Variants in DOCK3 observed in about 807,000 individuals in gnomAD.
The protein encoded by DOCK3 is dedicator of cytokinesis protein 3.
A neutral mutation model predicts 265.6 loss-of-function variants in DOCK3; 60 were observed. The ratio of observed to expected loss-of-function variants is 0.23; its 90% confidence interval spans 0.18 to 0.28. DOCK3 has a LOEUF of 0.28. DOCK3 is among the 10% of genes least tolerant of loss of function. The pLI is 1.00. For missense variants in DOCK3, 1,981 were observed against 2,594.3 expected, an observed-to-expected ratio of 0.76 and a Z score of 5.14; for synonymous variants, 881 against 938.0, an observed-to-expected ratio of 0.94 and a Z score of 1.11.
rs144712756 is a variant in DOCK3, at chr3:50,872,341, T to C, written c.163-17685T>C. Among the ~76,000 whole-genome samples the C allele has an allele frequency of 7.7e-3, 1,179 of 152,370 alleles. 12 individuals carry two copies. The highest frequency in any genetic ancestry group is 0.027 in the African/African-American group (1,116 of 41,592). On this transcript the variant is annotated intron_variant, in intron 3 of 52. Transcript: ENST00000266037. Reference sequence around the variant, plus strand: ...GGACAATATCTGGAAGAATTCTCTGTATTACCAGACAGAGACTCTTGTTCT... The same window carrying C: ...GGACAATATCTGGAAGAATTCTCTGCATTACCAGACAGAGACTCTTGTTCT...
intron 23 of DOCK3, among the ~76,000 whole-genome samples, chr3:51,264,301 G>A (rs544225723): frequency 6.6e-6 from 1 of 152,134 alleles, no homozygotes; most frequent in East Asian, 1.9e-4. Flanking sequence ...ACCTGCTCCT[G>A]AATGACTACT....
intron 2 of DOCK3, among the ~76,000 whole-genome samples, chr3:50,818,073 C>A (rs2044193650): frequency 1.3e-5 from 2 of 152,218 alleles, no homozygotes; most frequent in South Asian, 4.1e-4. Flanking sequence ...ATCCCTGATA[C>A]TGAGCAAAAC....
chr3:51,092,324 G>T (rs908902569), intron 9 of DOCK3, among the ~76,000 whole-genome samples: 3 of 152,208 alleles, frequency 2.0e-5, no homozygotes, highest in African/African-American at 7.2e-5. Flanking sequence ...GCTCGAGCTT[G>T]GTTGGGGGAG....
chr3:50,765,118 G>C (rs907328073), intron 1 of DOCK3, among the ~76,000 whole-genome samples: 4 of 103,378 alleles, frequency 3.9e-5, no homozygotes, highest in African/African-American at 1.5e-4. Context: ...GTCTCGCTTT[G>C]TCGCCCAGGC....
chr3:51,268,978 G>A (rs2080342262), intron 23 of DOCK3, among the ~76,000 whole-genome samples: 1 of 151,940 alleles, frequency 6.6e-6, no homozygotes, highest in Non-Finnish European at 1.5e-5. Flanking sequence ...GCCCTGTACT[G>A]AGTGGCACAC....
At chr3:50,885,345 G>C (rs896392044) in intron 3 of DOCK3, among the ~76,000 whole-genome samples, 10 of 147,138 alleles carry the variant, frequency 6.8e-5, no homozygotes, top group African/African-American at 2.5e-4. Flanking sequence ...AAGAAAAATG[G>C]TATAAGCTTT....
At chr3:51,365,065 A>G (rs1228639287) in intron 49 of DOCK3, among the ~76,000 whole-genome samples, 1 of 152,190 alleles carries the variant, frequency 6.6e-6, no homozygotes, top group East Asian at 1.9e-4. Context: ...TCTATAAATT[A>G]CCTTGGCAGT....
intron 12 of DOCK3, among the ~76,000 whole-genome samples, chr3:51,193,056 T>C (rs2088045974): frequency 6.6e-6 from 1 of 152,186 alleles, no homozygotes; most frequent in Non-Finnish European, 1.5e-5. Flanking sequence ...TATGGGTTTG[T>C]TGTATGTGGC....
intron 9 of DOCK3, among the ~76,000 whole-genome samples, chr3:51,144,986 A>G (rs1263448219): frequency 1.3e-5 from 2 of 152,228 alleles, no homozygotes; most frequent in East Asian, 1.9e-4. Context: ...GCGCAGGGGC[A>G]GGAAGGAGAT....
chr3:50,865,079 A>G (rs1228322050), intron 3 of DOCK3, among the ~76,000 whole-genome samples: 1 of 152,076 alleles, frequency 6.6e-6, no homozygotes, highest in African/African-American at 2.4e-5. Flanking sequence ...CAGGCATGCA[A>G]TGTGTAACAG....
chr3:51,328,213 C>G (rs950126165), intron 32 of DOCK3, among the ~76,000 whole-genome samples: 1 of 152,092 alleles, frequency 6.6e-6, no homozygotes, highest in Admixed American at 6.5e-5. Flanking sequence ...ACTGTTGTAC[C>G]CTGTTTACAC....
intron 3 of DOCK3, among the ~76,000 whole-genome samples, chr3:50,875,359 A>T (rs774358029): frequency 9.2e-5 from 14 of 152,154 alleles, no homozygotes; most frequent in Non-Finnish European, 1.5e-4. Context: ...TGGAAGTCTT[A>T]TCTTTGTCTT....
chr3:51,169,389 T>C (rs1177281929), intron 12 of DOCK3, among the ~76,000 whole-genome samples: 1 of 152,172 alleles, frequency 6.6e-6, no homozygotes, highest in East Asian at 1.9e-4. Context: ...ATATACACCA[T>C]GGAATACTAT....
At chr3:51,113,114 T>C (rs1402429054) in intron 9 of DOCK3, among the ~76,000 whole-genome samples, 1 of 152,128 alleles carries the variant, frequency 6.6e-6, no homozygotes, top group Non-Finnish European at 1.5e-5. Flanking sequence ...GGATTCAGCA[T>C]AAAACAAGAC....
At chr3:50,937,668 C>T (rs2051456061) in intron 5 of DOCK3, among the ~76,000 whole-genome samples, 1 of 152,062 alleles carries the variant, frequency 6.6e-6, no homozygotes, top group Non-Finnish European at 1.5e-5. Context: ...AAAACAACAA[C>T]AGCAGCAATG....
chr3:50,964,236 G>A (rs545681727), intron 5 of DOCK3, among the ~76,000 whole-genome samples: 35 of 152,234 alleles, frequency 2.3e-4, no homozygotes, highest in Admixed American at 2.0e-3. Context: ...CTGCATACCA[G>A]AATAAAACTC....
chr3:51,281,562 A>G (rs2081119771), intron 27 of DOCK3, among the ~76,000 whole-genome samples: 2 of 152,000 alleles, frequency 1.3e-5, no homozygotes, highest in Admixed American at 6.6e-5. Context: ...GGTCAAATCT[A>G]TCAGATGTCA....
At chr3:50,775,401 A>T (rs2041528143) in intron 1 of DOCK3, among the ~76,000 whole-genome samples, 1 of 151,926 alleles carries the variant, frequency 6.6e-6, no homozygotes, top group Admixed American at 6.6e-5. Flanking sequence ...AGTTGGTATA[A>T]GTTTTTTTGT....
At chr3:51,027,625 G>A (rs879223190) in intron 5 of DOCK3, among the ~76,000 whole-genome samples, 1 of 151,972 alleles carries the variant, frequency 6.6e-6, no homozygotes, top group Non-Finnish European at 1.5e-5. Context: ...GTGCTTTGTT[G>A]TTGGGTGCAT....
Sources: gnomAD v4.1 joint callset for allele counts (sites outside exome capture counted in the v4.1 genomes callset) on GRCh38, gnomAD v4.1.1 for gene constraint, MANE v1.5 for transcripts, NCBI Gene and HGNC (gene_info 2026-07-23, HGNC 2026-07-21) for gene names.